DLG2: variants seen among roughly 807,000 people sequenced by gnomAD.
The protein encoded by DLG2 is disks large homolog 2.
DLG2 carries 45 observed loss-of-function variants against 132.5 expected under a neutral mutation model. The observed-to-expected ratio is 0.34, with a 90% CI of 0.27 to 0.44. The LOEUF is 0.44. Ranked by LOEUF, DLG2 falls within the 20% of genes least tolerant of loss-of-function variation. DLG2 has a pLI of 1.00. For missense variants in DLG2, 1,045 were observed against 1,196.9 expected (o/e 0.87, Z 1.87); for synonymous variants, 424 against 419.6 (o/e 1.01, Z -0.13).
intron 9 of DLG2, among the ~76,000 whole-genome samples, chr11:84,159,199 G>A (rs2095493446): frequency 6.6e-6 from 1 of 152,074 alleles, no homozygotes; most frequent in South Asian, 2.1e-4. Flanking sequence ...TAGAAAAATT[G>A]TATATAAATC....
At chr11:84,182,927 T>C (rs535709535) in intron 8 of DLG2, among the ~76,000 whole-genome samples, 1 of 152,276 alleles carries the variant, frequency 6.6e-6, no homozygotes, top group African/African-American at 2.4e-5. Flanking sequence ...GATTCCATGG[T>C]CATTAAAAGG....
chr11:85,358,210 C>T (rs1326540172), intron 3 of DLG2, among the ~76,000 whole-genome samples: 1 of 152,074 alleles, frequency 6.6e-6, no homozygotes, highest in Non-Finnish European at 1.5e-5. Flanking sequence ...GCTAACAAGA[C>T]ATTTAAAAAG....
At chr11:85,144,460 G>C (rs1490586166) in intron 5 of DLG2, among the ~76,000 whole-genome samples, 1 of 147,736 alleles carries the variant, frequency 6.8e-6, no homozygotes, top group Non-Finnish European at 1.5e-5. Context: ...CTCCCATTTT[G>C]TTATTTGTTT....
intron 3 of DLG2, among the ~76,000 whole-genome samples, chr11:85,502,920 C>A (rs955018955): frequency 5.3e-5 from 8 of 152,026 alleles, no homozygotes; most frequent in African/African-American, 1.9e-4. Flanking sequence ...CTGGAAACAA[C>A]CCAAATGTCT....
chr11:85,393,563 C>A (rs987672117), intron 3 of DLG2, among the ~76,000 whole-genome samples: 1 of 151,570 alleles, frequency 6.6e-6, no homozygotes, highest in African/African-American at 2.4e-5. Context: ...AATGGACCAG[C>A]CCAAATGCCC....
chr11:85,531,519 C>T (rs2075209883), intron 3 of DLG2, among the ~76,000 whole-genome samples: 1 of 152,068 alleles, frequency 6.6e-6, no homozygotes. Context: ...ACGTCACAAA[C>T]CAATGGAATT....
chr11:85,385,510 A>G (rs147352523), intron 3 of DLG2, among the ~76,000 whole-genome samples: 2 of 152,348 alleles, frequency 1.3e-5, no homozygotes, highest in Non-Finnish European at 2.9e-5. Flanking sequence ...GAGCAAACCT[A>G]TAAGTGGGGA....
chr11:83,945,806 C>CTGTGTGTGTGTG (rs56913664), intron 14 of DLG2, among the ~76,000 whole-genome samples: 313 of 136,364 alleles, frequency 2.3e-3, no homozygotes, highest in Admixed American at 8.1e-3. Flanking sequence ...AGAAATGCCT[C>CTGTGTGTGTGTG]TGTGTGTGTG....
At chr11:84,153,126 G>A (rs980999201) in intron 9 of DLG2, among the ~76,000 whole-genome samples, 1 of 152,142 alleles carries the variant, frequency 6.6e-6, no homozygotes, top group African/African-American at 2.4e-5. Flanking sequence ...TGAAATTCTT[G>A]GTTGGAATGT....
chr11:83,836,114 C>A (rs1322212041), intron 16 of DLG2, among the ~76,000 whole-genome samples: 1 of 152,100 alleles, frequency 6.6e-6, no homozygotes, highest in African/African-American at 2.4e-5. Context: ...TGCTGATGTC[C>A]CAGCTTGAAG....
rs1333088180 is a variant in DLG2 at position 83,865,301 on chromosome 11, T to C, written c.1565+9119A>G. The stretch of plus-strand genomic sequence containing the variant: ...AGACACATGACCTTGGGGAAGTCAC[T>C]GGTCCTCTGTCATATCTGTAGACAG... On this transcript the variant is annotated intron_variant, in intron 16 of 27. Coordinates refer to ENST00000376104, the MANE Select transcript of DLG2 (RefSeq NM_001142699.3). 2.6e-5 allele frequency among the ~76,000 whole-genome samples: 4 copies of C among 152,166 alleles called. 1 individual carries two copies. The highest frequency in any genetic ancestry group is 3.4e-3 in the Middle Eastern group (1 of 294).
intron 7 of DLG2, among the ~76,000 whole-genome samples, chr11:84,402,677 T>A (rs932332306): frequency 1.3e-5 from 2 of 151,696 alleles, no homozygotes; most frequent in Non-Finnish European, 2.9e-5. Context: ...GCTCAGGAGA[T>A]AAAGACCACC....
intron 4 of DLG2, among the ~76,000 whole-genome samples, chr11:85,254,509 T>C (rs1055263086): frequency 6.6e-6 from 1 of 152,308 alleles, no homozygotes; most frequent in Non-Finnish European, 1.5e-5. Context: ...ACACCTTCTA[T>C]ATTTATTAAG....
intron 7 of DLG2, among the ~76,000 whole-genome samples, chr11:84,490,834 A>G (rs2099163068): frequency 6.6e-6 from 1 of 151,774 alleles, no homozygotes. Context: ...AGTTCTGGAG[A>G]GTAGGAATAA....
intron 4 of DLG2, among the ~76,000 whole-genome samples, chr11:85,217,809 C>T (rs1227731041): frequency 6.6e-6 from 1 of 152,294 alleles, no homozygotes. Context: ...GTTACCTCTT[C>T]GGTTGCTTTT....
chr11:84,434,130 A>AC (rs2154474469), intron 7 of DLG2, among the ~76,000 whole-genome samples: 1 of 152,092 alleles, frequency 6.6e-6, no homozygotes, highest in South Asian at 2.1e-4. Flanking sequence ...AAAAAAAAAA[A>AC]AAAAAGAATA....
At chr11:84,942,946 G>T (rs2049654191) in intron 6 of DLG2, among the ~76,000 whole-genome samples, 1 of 152,048 alleles carries the variant, frequency 6.6e-6, no homozygotes, top group Admixed American at 6.5e-5. Context: ...TCCTCTTGCT[G>T]ACTTGACCCC....
intron 18 of DLG2, among the ~76,000 whole-genome samples, chr11:83,725,571 C>G (rs567056772): frequency 2.2e-4 from 34 of 152,204 alleles, no homozygotes; most frequent in Non-Finnish European, 3.7e-4. Context: ...AAGGTCCTCT[C>G]AATCTCAGAA....
At chr11:84,962,466 G>C (rs2052714631) in intron 6 of DLG2, among the ~76,000 whole-genome samples, 1 of 151,946 alleles carries the variant, frequency 6.6e-6, no homozygotes, top group Non-Finnish European at 1.5e-5. Context: ...AAAAAATAAA[G>C]ATACTAAAAT....
Sources: gnomAD v4.1 joint callset for allele counts (sites outside exome capture counted in the v4.1 genomes callset) on GRCh38, gnomAD v4.1.1 for gene constraint, MANE v1.5 for transcripts, NCBI Gene and HGNC (gene_info 2026-07-23, HGNC 2026-07-21) for gene names.